Variants in POLN observed in about 807,000 individuals in gnomAD.
POLN encodes DNA polymerase N.
A neutral mutation model predicts 113.5 loss-of-function variants in POLN; 108 were observed. That is an observed-to-expected ratio of 0.95 (90% CI 0.81 to 1.12). The LOEUF (loss-of-function observed/expected upper bound fraction) is 1.12, where lower values mean the gene tolerates loss of function less well. Among genes scored for constraint, POLN ranks in the 50% most tolerant of loss-of-function variants. POLN has a pLI of 0.00. For missense variants in POLN, 1,097 were observed against 1,077.1 expected, an observed-to-expected ratio of 1.02 and a Z score of -0.26; for synonymous variants, 386 against 391.5, an observed-to-expected ratio of 0.99 and a Z score of 0.17.
intron 18 of POLN, 106 bp downstream of exon 18, chr4:2,129,073 A>G (rs1731656410): frequency 2.4e-6 from 2 of 823,778 alleles, no homozygotes; most frequent in Non-Finnish European, 1.8e-6. Context: ...AAAAAAAAAA[A>G]AAAGAATTTA....
chr4:2,201,514 G>T (rs1401243571), intron 5 of POLN, among the ~76,000 whole-genome samples: 1 of 151,528 alleles, frequency 6.6e-6, no homozygotes, highest in African/African-American at 2.4e-5. Context: ...AAAAGAAAAA[G>T]AAAACATGAA....
chr4:2,167,669 TG>T (rs1186345452), intron 13 of POLN, among the ~76,000 whole-genome samples: 2 of 152,058 alleles, frequency 1.3e-5, no homozygotes, highest in Admixed American at 1.3e-4. Flanking sequence ...GAGGCCGAGG[TG>T]GGCAGGTCAC....
At chr4:2,129,571 G>A (rs1390504615) in intron 17 of POLN, among the ~76,000 whole-genome samples, 6 of 151,782 alleles carry the variant, frequency 4.0e-5, no homozygotes, top group Admixed American at 3.9e-4. Flanking sequence ...AAAATTTCTT[G>A]TAGAGACAGG....
At chr4:2,201,294 A>AAAAAAAC (rs1733707099) in intron 5 of POLN, among the ~76,000 whole-genome samples, 1 of 148,776 alleles carries the variant, frequency 6.7e-6, no homozygotes, top group Non-Finnish European at 1.5e-5. Flanking sequence ...AAAAAAAAAA[A>AAAAAAAC]AAAAAAAAAC....
At chr4:2,213,822 CAG>C (rs1734050484) in intron 3 of POLN, among the ~76,000 whole-genome samples, 4 of 152,290 alleles carry the variant, frequency 2.6e-5, no homozygotes, top group Middle Eastern at 3.4e-3. Flanking sequence ...TGAAAAGACA[CAG>C]CATTAGGATA....
intron 3 of POLN, among the ~76,000 whole-genome samples, chr4:2,219,500 C>T (rs1162707668): frequency 1.3e-5 from 2 of 152,140 alleles, no homozygotes; most frequent in East Asian, 3.9e-4. Context: ...CAGGCAGCAC[C>T]ACCTGGCCTC....
chr4:2,132,973 C>T (rs1284333829), intron 16 of POLN, among the ~76,000 whole-genome samples: 1 of 151,976 alleles, frequency 6.6e-6, no homozygotes, highest in East Asian at 1.9e-4. Context: ...TTTTGTAAGC[C>T]TTTTGCATCT....
intron 17 of POLN, among the ~76,000 whole-genome samples, chr4:2,130,178 G>A (rs989846005): frequency 3.3e-5 from 5 of 151,668 alleles, no homozygotes; most frequent in Non-Finnish European, 7.4e-5. Context: ...CCCAGGAGGC[G>A]GAGGATGCAG....
At chr4:2,078,922 A>G in intron 23 of POLN, 1 of 985,302 alleles carries the variant, frequency 1.0e-6, no homozygotes, top group Non-Finnish European at 1.2e-6. Context: ...ACAAGGGCTG[A>G]AAGTGAACCG....
At chr4:2,112,369 G>T (rs557201542) in intron 19 of POLN, among the ~76,000 whole-genome samples, 211 of 152,328 alleles carry the variant, frequency 1.4e-3, no homozygotes, top group African/African-American at 4.7e-3. Context: ...GGCAACAGAA[G>T]CCAAAATTGA....
intron 5 of POLN, among the ~76,000 whole-genome samples, chr4:2,206,319 C>T (rs532828747): frequency 6.6e-6 from 1 of 152,308 alleles, no homozygotes; most frequent in African/African-American, 2.4e-5. Context: ...GGGAAAAACC[C>T]TTCCAGAAAT....
chr4:2,240,650 C>T (rs372467093), intron 2 of POLN: 1 of 1,613,738 alleles, frequency 6.2e-7, no homozygotes, highest in Non-Finnish European at 8.5e-7. Flanking sequence ...CTAATTTCTC[C>T]AGCTCTTTAT....
intron 7 of POLN, among the ~76,000 whole-genome samples, chr4:2,190,944 A>G (rs10007101): frequency 0.25 from 37,339 of 151,938 alleles, 7,065 homozygotes; most frequent in African/African-American, 0.51. Flanking sequence ...TAGTACAGCC[A>G]CTATGGAAAA....
intron 13 of POLN, 79 bp from the exon 14 acceptor site, chr4:2,159,290 C>T: frequency 8.3e-7 from 1 of 1,207,892 alleles, no homozygotes; most frequent in Admixed American, 2.0e-5. Flanking sequence ...TGGAGAAAGT[C>T]CTCATAATAA....
chr4:2,195,391 G>A lies in POLN; in HGVS notation c.909-2075C>T, dbSNP rs35882612. Among the ~76,000 whole-genome samples the A allele has an allele frequency of 8.4e-3, 1,275 of 151,712 alleles. 20 individuals are homozygous for A. Among genetic ancestry groups the A allele is most frequent in the African/African-American group, 0.029 (1,212 of 41,336 alleles). On this transcript the variant is annotated intron_variant, in intron 6 of 25. Coordinates refer to ENST00000511885, the MANE Select transcript of POLN (RefSeq NM_181808.4). ...ACTACTGAACACAAATGAAAGTCATGTGGTGGGGTTGGCAGTGGGGTACCA... is the reference window on the plus strand; with the variant it reads ...ACTACTGAACACAAATGAAAGTCATATGGTGGGGTTGGCAGTGGGGTACCA...
chr4:2,205,371 TACCTA>T (rs1733817060), intron 5 of POLN, among the ~76,000 whole-genome samples: 1 of 152,074 alleles, frequency 6.6e-6, no homozygotes, highest in Non-Finnish European at 1.5e-5. Flanking sequence ...CTTAGGAATA[TACCTA>T]ACCAAGGAGG....
At chr4:2,190,830 A>G (rs186831870) in intron 7 of POLN, among the ~76,000 whole-genome samples, 1 of 152,362 alleles carries the variant, frequency 6.6e-6, no homozygotes, top group East Asian at 1.9e-4. Context: ...ATATCATCTC[A>G]CCCCAATTTA....
intron 4 of POLN, among the ~76,000 whole-genome samples, chr4:2,211,897 G>A (rs983247419): frequency 6.6e-6 from 1 of 152,082 alleles, no homozygotes; most frequent in African/African-American, 2.4e-5. Context: ...CGGGATCCAA[G>A]GAGCACAGTC....
At chr4:2,163,139 A>G (rs187946422) in intron 13 of POLN, among the ~76,000 whole-genome samples, 142 of 152,206 alleles carry the variant, frequency 9.3e-4, no homozygotes, top group African/African-American at 2.7e-3. Context: ...GTAATAGGTG[A>G]ACCATTAAAT....
Sources: gnomAD v4.1 joint callset for allele counts (sites outside exome capture counted in the v4.1 genomes callset) on GRCh38, gnomAD v4.1.1 for gene constraint, MANE v1.5 for transcripts, NCBI Gene and HGNC (gene_info 2026-07-23, HGNC 2026-07-21) for gene names.